Variants in SDK1 observed in about 807,000 individuals in gnomAD.
SDK1 encodes the protein protein sidekick-1.
SDK1 carries 157 observed loss-of-function variants against 245.5 expected under a neutral mutation model. The observed-to-expected ratio is 0.64, with a 90% CI of 0.56 to 0.73. The LOEUF is 0.73. SDK1 is among the 30% of genes least tolerant of loss of function. SDK1 has a pLI of 0.00. For missense variants in SDK1, 3,583 were observed against 3,002.3 expected (o/e 1.19, Z -4.52); for synonymous variants, 1,647 against 1,278.5 (o/e 1.29, Z -6.15).
chr7:3,301,966 G>A, intron 1 of SDK1, 82 bp downstream of exon 1: 1 of 1,008,030 alleles, frequency 9.9e-7, no homozygotes, highest in South Asian at 4.6e-5. Flanking sequence ...GTGTGTCCGG[G>A]GTCCCCCCGC....
At position 4,114,069 on chromosome 7, in the gene SDK1, C is replaced by G. The variant is rs375214216; in HGVS notation, c.3618C>G (p.Pro1206=). The G allele has an allele frequency of 1.9e-6, 3 of 1,614,178 alleles. No homozygotes were observed. The highest frequency in any genetic ancestry group is 1.3e-5 in the African/African-American group (1 of 75,056). The change falls in exon 25 of 45, where the codon CCC becomes CCG. Residue 1206 remains proline, a synonymous_variant. Transcript: ENST00000404826. ...CGGATTCTCAGTACAACGGGAACCCCGAGTCCGTGGGCTACAGGATTAAGT... is the reference window on the plus strand; with the variant it reads ...CGGATTCTCAGTACAACGGGAACCCGGAGTCCGTGGGCTACAGGATTAAGT... ...PLPDSQYNGN[P]ESVGYRIKYW...
At chr7:3,655,499 A>G (rs1278427325) in intron 4 of SDK1, among the ~76,000 whole-genome samples, 26 of 64,040 alleles carry the variant, frequency 4.1e-4, no homozygotes, top group Non-Finnish European at 8.3e-4. Context: ...ATATATATAT[A>G]TATATGTATG....
chr7:3,723,765 CATATACACGTGT>C (rs1239485570), intron 4 of SDK1, among the ~76,000 whole-genome samples: 4 of 148,984 alleles, frequency 2.7e-5, no homozygotes, highest in Non-Finnish European at 4.5e-5. Flanking sequence ...CGTACATATA[CATATACACGTGT>C]ATATACACGT....
chr7:3,619,177 G>C lies in SDK1; in HGVS notation c.396G>C (p.Trp132Cys). The change falls in exon 2 of 45, where the codon TGG becomes TGC. Residue 132 changes from tryptophan (W) to cysteine (C), a missense_variant. Transcript: ENST00000404826. ...LVLTCLAEGS[W>C]PLEFKWMRDD... ...TCACCTGCCTTGCCGAAGGGAGCTG[G>C]CCTTTGGAGTTCAAGTGGATGCGCG... The C allele has an allele frequency of 6.2e-7, 1 of 1,613,924 alleles. No homozygotes were observed. Among genetic ancestry groups the C allele is most frequent in the Middle Eastern group, 1.6e-4 (1 of 6,062 alleles).
chr7:4,220,015 G>A (rs1244887266), intron 38 of SDK1, 94 bp from the exon 39 acceptor site: 6 of 1,432,666 alleles, frequency 4.2e-6, no homozygotes, highest in Middle Eastern at 1.8e-4. Flanking sequence ...CAAACTGCAG[G>A]GACCACTTTC....
At chr7:4,041,125 A>G (rs10259751) in intron 17 of SDK1, among the ~76,000 whole-genome samples, 47,797 of 152,030 alleles carry the variant, frequency 0.31, 11,708 homozygotes, top group African/African-American at 0.69. Flanking sequence ...CAGATGAGAA[A>G]CAACCTGCAA....
intron 21 of SDK1, among the ~76,000 whole-genome samples, chr7:4,078,061 C>T (rs1268070244): frequency 2.0e-5 from 3 of 152,194 alleles, no homozygotes; most frequent in Non-Finnish European, 2.9e-5. Flanking sequence ...CTTCCAGAAA[C>T]ACTCTGACGC....
chr7:3,489,240 T>C (rs1195305135), intron 1 of SDK1, among the ~76,000 whole-genome samples: 1 of 152,154 alleles, frequency 6.6e-6, no homozygotes, highest in Non-Finnish European at 1.5e-5. Context: ...TCTGCACAGT[T>C]GAATACTTTA....
intron 4 of SDK1, among the ~76,000 whole-genome samples, chr7:3,757,165 C>T (rs1233390406): frequency 6.6e-6 from 1 of 152,122 alleles, no homozygotes; most frequent in African/African-American, 2.4e-5. Context: ...CACTTCAGAT[C>T]CCAGGTGTCC....
chr7:4,202,763 G>GT (rs147502190), intron 35 of SDK1, among the ~76,000 whole-genome samples: 6,796 of 152,188 alleles, frequency 0.045, 192 homozygotes, highest in African/African-American at 0.079. Context: ...GTTTTGTTTT[G>GT]TTTTTTTCTC....
At chr7:3,637,690 T>TAGAC (rs1226715868) in intron 2 of SDK1, among the ~76,000 whole-genome samples, 2 of 152,268 alleles carry the variant, frequency 1.3e-5, no homozygotes, top group African/African-American at 4.8e-5. Context: ...CTAAAAAATT[T>TAGAC]AGACAGGCAT....
chr7:3,598,512 C>T (rs1340132520), intron 1 of SDK1, among the ~76,000 whole-genome samples: 5 of 152,120 alleles, frequency 3.3e-5, no homozygotes, highest in East Asian at 1.9e-4. Context: ...AAGTATAATA[C>T]GGTATTACAG....
intron 5 of SDK1, among the ~76,000 whole-genome samples, chr7:3,849,108 G>T (rs567497052): frequency 2.6e-5 from 4 of 152,156 alleles, no homozygotes; most frequent in Admixed American, 1.3e-4. Flanking sequence ...TCCATTTGCC[G>T]TCCGAACTTT....
intron 4 of SDK1, 141 bp downstream of exon 4, chr7:3,642,246 A>G (rs1387724344): frequency 1.5e-6 from 1 of 666,432 alleles, no homozygotes; most frequent in East Asian, 2.9e-5. Flanking sequence ...CTAATTTTTA[A>G]TAAACAGCTA....
At chr7:3,499,610 A>T (rs1417665434) in intron 1 of SDK1, among the ~76,000 whole-genome samples, 2 of 152,138 alleles carry the variant, frequency 1.3e-5, no homozygotes, top group Admixed American at 6.5e-5. Flanking sequence ...TGCATAAAGC[A>T]GTGTATTGTT....
At chr7:3,957,299 A>G (rs1379609128) in intron 7 of SDK1, among the ~76,000 whole-genome samples, 3 of 152,160 alleles carry the variant, frequency 2.0e-5, no homozygotes, top group African/African-American at 7.2e-5. Flanking sequence ...AGCGCAGGAA[A>G]CACTGGCAAG....
chr7:3,513,807 C>T (rs1169356548), intron 1 of SDK1, among the ~76,000 whole-genome samples: 5 of 152,124 alleles, frequency 3.3e-5, no homozygotes, highest in Non-Finnish European at 7.4e-5. Flanking sequence ...TAGTAGTCCC[C>T]AGTGTCTGTT....
chr7:4,220,187 T>A lies in SDK1; in HGVS notation c.5618T>A (p.Val1873Glu), dbSNP rs759163337. Residue 1873 changes from valine to glutamate, a missense_variant, in exon 39 of 45, where the codon GTG becomes GAG. Val to Glu is a moderately radical substitution (Grantham distance 121). Coordinates refer to ENST00000404826, the MANE Select transcript of SDK1 (RefSeq NM_152744.4). ...AAGGTGCGGGACCTCACCAAGGGAG[T>A]GACCTATTTCTTCCGTGTCCAAGCG... The part of the protein sequence containing the change: ...WLKVRDLTKG[V>E]TYFFRVQART... 10 of 1,613,666 alleles carry A rather than the reference T, an allele frequency of 6.2e-6. No homozygotes were observed. Among genetic ancestry groups the A allele is most frequent in the Non-Finnish European group, 8.5e-6 (10 of 1,179,924 alleles).
chr7:4,204,798 A>G lies in SDK1; in HGVS notation c.5099-1081A>G, dbSNP rs561593330. ...GCTCCCCAGGGCCCAGCTCATGGAC[A>G]GCCGGGAGAGCCCCAGTGGGAGGAG... On this transcript the variant is annotated intron_variant, in intron 35 of 44. Coordinates refer to ENST00000404826, the MANE Select transcript of SDK1 (RefSeq NM_152744.4). 3.9e-5 allele frequency among the ~76,000 whole-genome samples: 6 copies of G among 152,328 alleles called. 1 individual carries two copies. The highest frequency in any genetic ancestry group is 1.2e-4 in the African/African-American group (5 of 41,580).
Sources: allele counts gnomAD v4.1 joint callset (sites outside exome capture counted in the v4.1 genomes callset), GRCh38; gene constraint gnomAD v4.1.1; transcripts MANE v1.5; gene names NCBI Gene and HGNC (gene_info 2026-07-23, HGNC 2026-07-21).